Variants in CUL9 observed in about 807,000 individuals in gnomAD.
CUL9 encodes cullin-9.
A neutral mutation model predicts 272.6 loss-of-function variants in CUL9; 79 were observed. The ratio of observed to expected loss-of-function variants is 0.29; its 90% confidence interval spans 0.24 to 0.35. The LOEUF is 0.35. Ranked by LOEUF, CUL9 falls within the 10% of genes least tolerant of loss-of-function variation. The probability of loss-of-function intolerance (pLI) is 1.00; values close to 1 mark genes in which losing one functional copy is unlikely to be tolerated. For synonymous variants in CUL9, 1,186 were observed against 1,286.5 expected (o/e 0.92, Z 1.67); for missense variants, 2,532 against 3,255.6 (o/e 0.78, Z 5.41).
At chr6:43,193,629 C>T (rs572795593) in intron 9 of CUL9, among the ~76,000 whole-genome samples, 20 of 152,246 alleles carry the variant, frequency 1.3e-4, no homozygotes, top group African/African-American at 4.3e-4. Context: ...TCACTACAAC[C>T]TCCACCTCCT....
intron 9 of CUL9, among the ~76,000 whole-genome samples, chr6:43,195,670 T>C (rs1773931458): frequency 6.6e-6 from 1 of 151,896 alleles, no homozygotes; most frequent in African/African-American, 2.4e-5. Context: ...GGAGTGCAAG[T>C]GAGATGGGAG....
In CUL9 at chr6:43,221,708, A is replaced by G; in HGVS notation, c.6776A>G (p.His2259Arg). The change falls in exon 35 of 41, where the codon CAT becomes CGT. Residue 2259 changes from histidine to arginine, a missense_variant. Around this residue, in one of 3 missense-constraint regions of CUL9, gnomAD observed 77 missense variants for 161.1 expected, o/e 0.48. Transcript: ENST00000252050. The surrounding 1 kb of genome is among the most constrained non-coding windows in gnomAD (Gnocchi z 4.2). The part of the protein sequence containing the change: ...CLHMTCAKCN[H>R]GFCWRCLKSW... ...AGCATGACCTGTGCCAAATGTAACC[A>G]TGGATTCTGCTGGCGCTGCCTCAAG... 2.5e-6 allele frequency: 4 copies of G among 1,613,930 alleles called. No individual in the cohort carries two copies. The highest frequency in any genetic ancestry group is 2.5e-6 in the Non-Finnish European group (3 of 1,180,024).
At chr6:43,216,762 G>A (rs1456134433) in intron 31 of CUL9, among the ~76,000 whole-genome samples, 3 of 152,176 alleles carry the variant, frequency 2.0e-5, no homozygotes, top group Admixed American at 6.5e-5. Context: ...ATAATCACTG[G>A]AAGCTTTTAT....
chr6:43,188,215 G>A (rs1244481361), intron 7 of CUL9, 97 bp downstream of exon 7: 5 of 1,432,472 alleles, frequency 3.5e-6, no homozygotes, highest in Non-Finnish European at 4.7e-6. Flanking sequence ...CATGGAGGAA[G>A]GTGATTTTTG....
chr6:43,186,012 C>T lies in CUL9; in HGVS notation c.808C>T (p.Leu270=). The T allele has an allele frequency of 1.2e-6, 2 of 1,614,210 alleles. No homozygotes were observed. Among genetic ancestry groups the T allele is most frequent in the South Asian group, 1.1e-5 (1 of 91,086 alleles). ...GCGCTACCTTTGTGTCACGTCCCTC[C>T]TGGATCAGCTGAATAGCAGTCCAGA... ...VKRYLCVTSL[L]DQLNSSPELG... is the part of the protein sequence containing the mutation. The change falls in exon 4 of 41, where the codon CTG becomes TTG. Residue 270 remains leucine, a synonymous_variant. Transcript: ENST00000252050.
intron 26 of CUL9, among the ~76,000 whole-genome samples, chr6:43,210,820 C>T (rs1775417994): frequency 6.7e-6 from 1 of 150,286 alleles, no homozygotes. Context: ...TTTTGTTTAC[C>T]CTTCTTATAT....
In CUL9 at chr6:43,206,389, A is replaced by C; in HGVS notation, c.5091A>C (p.Ile1697=). The C allele has an allele frequency of 6.2e-7, 1 of 1,614,154 alleles. No homozygotes were observed. Among genetic ancestry groups the C allele is most frequent in the Non-Finnish European group, 8.5e-7 (1 of 1,180,040 alleles). Reference sequence around the variant, plus strand: ...AAGATCCAAGTCCAGCCATTTCTATACTGGTCCTGTCACCACGCTGCTGGC... The same window carrying C: ...AAGATCCAAGTCCAGCCATTTCTATCCTGGTCCTGTCACCACGCTGCTGGC... ...FIEDPSPAIS[I]LVLSPRCWPV... The change falls in exon 26 of 41, where the codon ATA becomes ATC. Residue 1697 remains isoleucine, a synonymous_variant. Transcript: ENST00000252050. This position sits in a 1 kb window ranked among gnomAD's most constrained non-coding sequence, Gnocchi z 4.8.
intron 8 of CUL9, among the ~76,000 whole-genome samples, chr6:43,191,064 C>A (rs926838036): frequency 6.6e-6 from 1 of 151,938 alleles, no homozygotes; most frequent in African/African-American, 2.4e-5. Context: ...ATTTTGTGTC[C>A]TACTTAAAAG....
chr6:43,196,731 A>G lies in CUL9; in HGVS notation c.2672A>G (p.Gln891Arg), dbSNP rs780210993. 9 of 1,614,154 alleles carry G rather than the reference A, an allele frequency of 5.6e-6. No individual in the cohort carries two copies. The Admixed American group carries it at 1.2e-4, about 21-fold the overall frequency. ...ACTCTGGGAGACCAGATTATAACCCAAGAGCTGAGAGACACGTTGTTTAGG... is the reference window on the plus strand; with the variant it reads ...ACTCTGGGAGACCAGATTATAACCCGAGAGCTGAGAGACACGTTGTTTAGG... ...HHTLGDQIIT[Q>R]ELRDTLFRHS... is the part of the protein sequence containing the mutation. The change falls in exon 11 of 41, where the codon CAA becomes CGA. Residue 891 changes from glutamine to arginine, a missense_variant. Physicochemically the swap from Gln to Arg is conservative, Grantham distance 43. Coordinates refer to ENST00000252050, the MANE Select transcript of CUL9 (RefSeq NM_015089.4).
At chr6:43,214,386 C>A (rs1162112196) in intron 29 of CUL9, among the ~76,000 whole-genome samples, 4 of 152,184 alleles carry the variant, frequency 2.6e-5, no homozygotes, top group Admixed American at 2.6e-4. Flanking sequence ...CACTGTACCC[C>A]AGCCTGGGCA....
rs769230076 is a variant in CUL9 at position 43,184,359 on chromosome 6, C to T, written c.49C>T (p.Arg17Trp). Reference protein sequence around the residue: ...AGDLMVPLGPRLQAYPEELIR... With the variant: ...AGDLMVPLGPWLQAYPEELIR... Reference sequence around the variant, plus strand: ...GGACCTCATGGTGCCCTTAGGGCCTCGGCTGCAGGCATATCCTGAAGAACT... The same window carrying T: ...GGACCTCATGGTGCCCTTAGGGCCTTGGCTGCAGGCATATCCTGAAGAACT... The change falls in exon 2 of 41, where the codon CGG becomes TGG. Residue 17 changes from arginine (R) to tryptophan (W), a missense_variant. Arg to Trp is a moderately radical substitution (Grantham distance 101). This residue lies in a region of CUL9 where 2,218 missense variants were observed against 2,788.6 expected (regional missense o/e 0.80). Coordinates refer to ENST00000252050, the MANE Select transcript of CUL9 (RefSeq NM_015089.4). The surrounding 1 kb of genome is among the most constrained non-coding windows in gnomAD (Gnocchi z 4.8). 26 of 1,588,824 alleles carry T rather than the reference C, an allele frequency of 1.6e-5. No homozygotes were observed. In the East Asian group the frequency reaches 4.5e-4, roughly 28 times the overall value.
At chr6:43,216,678 G>C (rs937576744) in intron 31 of CUL9, among the ~76,000 whole-genome samples, 175 bp downstream of exon 31, 1 of 152,202 alleles carries the variant, frequency 6.6e-6, no homozygotes, top group African/African-American at 2.4e-5. Flanking sequence ...GGTACCACCT[G>C]CCTTGACACT....
At chr6:43,214,516 A>G (rs910692840) in intron 29 of CUL9, among the ~76,000 whole-genome samples, 5 of 151,688 alleles carry the variant, frequency 3.3e-5, no homozygotes, top group African/African-American at 1.2e-4. Flanking sequence ...GAAACTTAGT[A>G]GTGGCCGGGC....
Position 43,203,041 on chromosome 6 carries a change from G to T in CUL9, c.3754-68G>T, listed in dbSNP as rs1367390352. On this transcript the variant is annotated intron_variant, in intron 17 of 40. Coordinates refer to ENST00000252050, the MANE Select transcript of CUL9 (RefSeq NM_015089.4). This position sits in a 1 kb window ranked among gnomAD's most constrained non-coding sequence, Gnocchi z 5.0. ...ACACACCATGACCGACTTGGTTACT[G>T]TCAACAATTTTTCCAACCTTGTTTC... 1 of 1,557,684 alleles carries T rather than the reference G, an allele frequency of 6.4e-7. No individual in the cohort carries two copies. Among genetic ancestry groups the T allele is most frequent in the Non-Finnish European group, 8.8e-7 (1 of 1,130,958 alleles).
rs770326816 is a variant in CUL9, at chr6:43,216,216, C to T, written c.5995C>T (p.Pro1999Ser). The stretch of plus-strand genomic sequence containing the variant: ...GCTGCCTGCAGGCCGCACCATGAGC[C>T]CCCAGGAAGTAGAAGGGTTGATGAA... The part of the protein sequence containing the change: ...LQLPAGRTMS[P>S]QEVEGLMKQT... Residue 1999 changes from proline (P) to serine (S), a missense_variant, in exon 31 of 41, where the codon CCC (proline) becomes TCC (serine). Coordinates refer to ENST00000252050, the MANE Select transcript of CUL9 (RefSeq NM_015089.4). 3 of 1,613,482 alleles carry T rather than the reference C, an allele frequency of 1.9e-6. No individual in the cohort carries two copies. The highest frequency in any genetic ancestry group is 2.7e-5 in the African/African-American group (2 of 74,912).
chr6:43,184,648 G>T lies in CUL9; in HGVS notation c.338G>T (p.Gly113Val). Residue 113 changes from glycine to valine, a missense_variant, in exon 2 of 41, where the codon GGA (glycine) becomes GTA (valine). Gly to Val is a moderately radical substitution (Grantham distance 109, BLOSUM62 -3). This residue lies in a region of CUL9 where 2,218 missense variants were observed against 2,788.6 expected (regional missense o/e 0.80). Coordinates refer to ENST00000252050, the MANE Select transcript of CUL9 (RefSeq NM_015089.4). The surrounding 1 kb of genome is among the most constrained non-coding windows in gnomAD (Gnocchi z 4.8). Reference protein sequence around the residue: ...DPGGLDEVAMGEMEADVQALV... With the variant: ...DPGGLDEVAMVEMEADVQALV... ...GGAGGCCTGGATGAAGTGGCAATGG[G>T]AGAGATGGAGGCTGATGTTCAGGCG... 6.2e-7 allele frequency: 1 copy of T among 1,611,932 alleles called. No homozygotes were observed. The highest frequency in any genetic ancestry group is 2.2e-5 in the East Asian group (1 of 44,796).
At chr6:43,183,416 T>C (rs1242507476) in intron 1 of CUL9, among the ~76,000 whole-genome samples, 1 of 152,198 alleles carries the variant, frequency 6.6e-6, no homozygotes, top group East Asian at 1.9e-4. Context: ...CTCCATTCTC[T>C]ATATCTGCCA....
At position 43,193,345 on chromosome 6, in the gene CUL9, G is replaced by A. The variant is rs1392952076; in HGVS notation, c.2388+137G>A. ...TGGAAAGATGCAGATGGTTTTAAGA[G>A]TTTGATCTGGACATTCTTCGGGATT... On this transcript the variant is annotated intron_variant, in intron 9 of 40. Transcript: ENST00000252050. 5 of 763,738 alleles carry A rather than the reference G, an allele frequency of 6.5e-6. No homozygotes were observed. In the East Asian group the frequency reaches 1.2e-4, roughly 19 times the overall value. 47.3% of individuals were successfully genotyped at this position (763,738 alleles called of 1,614,324 possible).
chr6:43,221,333 G>C lies in CUL9; in HGVS notation c.6752+12G>C, dbSNP rs766243936. Reference sequence around the variant, plus strand: ...GAGGGGTGCCTGCAGTAAGAAGGGGGGTACTGTGGGGAGCCAGAGGGCAAG... The same window carrying C: ...GAGGGGTGCCTGCAGTAAGAAGGGGCGTACTGTGGGGAGCCAGAGGGCAAG... On this transcript the variant is annotated intron_variant, in intron 34 of 40. Coordinates refer to ENST00000252050, the MANE Select transcript of CUL9 (RefSeq NM_015089.4). This position sits in a 1 kb window ranked among gnomAD's most constrained non-coding sequence, Gnocchi z 4.2. 1 of 1,595,726 alleles carries C rather than the reference G, an allele frequency of 6.3e-7. No individual in the cohort carries two copies. Among genetic ancestry groups the C allele is most frequent in the Non-Finnish European group, 8.5e-7 (1 of 1,176,196 alleles).
Sources: allele counts gnomAD v4.1 joint callset (sites outside exome capture counted in the v4.1 genomes callset), GRCh38; gene constraint gnomAD v4.1.1; regional missense constraint gnomAD v4.1.1; non-coding constraint Gnocchi (gnomAD v3.1); transcripts MANE v1.5; gene names NCBI Gene and HGNC (gene_info 2026-07-23, HGNC 2026-07-21).